EYA4: variants seen among roughly 807,000 people sequenced by gnomAD.
The protein encoded by EYA4 is protein phosphatase EYA4.
Under a neutral mutation model 87.9 loss-of-function variants are expected in EYA4, and 31 were observed. That is an observed-to-expected ratio of 0.35 (90% confidence interval 0.27 to 0.48). The LOEUF (loss-of-function observed/expected upper bound fraction) is 0.48. Among genes scored for constraint, EYA4 ranks in the 20% least tolerant of loss-of-function variants. The pLI is 0.99. For synonymous variants in EYA4, 263 were observed against 270.6 expected, an observed-to-expected ratio of 0.97 and a Z score of 0.28; for missense variants, 678 against 761.4, an observed-to-expected ratio of 0.89 and a Z score of 1.29.
chr6:133,489,665 C>A (rs1374389229), intron 13 of EYA4, among the ~76,000 whole-genome samples: 1 of 151,524 alleles, frequency 6.6e-6, no homozygotes, highest in African/African-American at 2.4e-5. Context: ...TATCCAGTGA[C>A]AATATCCTTC....
At chr6:133,344,622 G>A (rs1304921442) in intron 2 of EYA4, among the ~76,000 whole-genome samples, 2 of 151,896 alleles carry the variant, frequency 1.3e-5, no homozygotes, top group African/African-American at 2.4e-5. Context: ...AAATGAGCTG[G>A]CATTTGAAAT....
At chr6:133,274,890 G>A (rs977385813) in intron 2 of EYA4, 77 bp downstream of exon 2, 1 of 1,066,034 alleles carries the variant, frequency 9.4e-7, no homozygotes, top group East Asian at 2.4e-5. Flanking sequence ...GAGATATATT[G>A]TAAGAAGTAA....
chr6:133,279,071 G>T (rs527344303), intron 2 of EYA4, among the ~76,000 whole-genome samples: 24 of 152,062 alleles, frequency 1.6e-4, no homozygotes, highest in African/African-American at 4.6e-4. Context: ...CTATTTTGGT[G>T]GTCCGGGATA....
intron 2 of EYA4, among the ~76,000 whole-genome samples, chr6:133,345,535 C>T (rs1783127297): frequency 6.6e-6 from 1 of 152,120 alleles, no homozygotes; most frequent in Admixed American, 6.5e-5. Context: ...CAATCTCATT[C>T]ACCTTTTCTT....
chr6:133,356,617 A>T (rs1784053368), intron 2 of EYA4, among the ~76,000 whole-genome samples: 1 of 151,516 alleles, frequency 6.6e-6, no homozygotes, highest in Non-Finnish European at 1.5e-5. Context: ...GCGAGCCATT[A>T]TTATGAAGCA....
intron 6 of EYA4, among the ~76,000 whole-genome samples, chr6:133,460,638 A>T (rs1177206324): frequency 6.6e-6 from 1 of 152,100 alleles, no homozygotes; most frequent in African/African-American, 2.4e-5. Flanking sequence ...ATAAAATAGT[A>T]TTTTACCATT....
chr6:133,301,782 T>G (rs1481882955), intron 2 of EYA4, among the ~76,000 whole-genome samples: 1 of 152,222 alleles, frequency 6.6e-6, no homozygotes. Context: ...CTGATGGTTT[T>G]CATTGATGCT....
intron 10 of EYA4, 99 bp downstream of exon 10, chr6:133,464,957 G>T (rs553817141): frequency 1.5e-5 from 11 of 739,886 alleles, no homozygotes; most frequent in South Asian, 1.1e-4. Context: ...CCAGAATAAG[G>T]TTTCTTTATT....
intron 6 of EYA4, among the ~76,000 whole-genome samples, chr6:133,460,338 TAGTCAAGGCAGATAGTTAAAG>T (rs1224172337): frequency 6.7e-6 from 1 of 149,110 alleles, no homozygotes; most frequent in African/African-American, 2.6e-5. Context: ...ACATCTGTCT[TAGTCAAGGCAGATAGTTAAAG>T]GAAAGAGAAA....
chr6:133,450,499 A>G (rs1793327612), intron 5 of EYA4, among the ~76,000 whole-genome samples: 1 of 152,112 alleles, frequency 6.6e-6, no homozygotes, highest in African/African-American at 2.4e-5. Context: ...AGATGTTCAA[A>G]AAGATTCTTT....
At chr6:133,403,018 T>C (rs1043501005) in intron 3 of EYA4, among the ~76,000 whole-genome samples, 12 of 152,206 alleles carry the variant, frequency 7.9e-5, no homozygotes, top group African/African-American at 2.9e-4. Flanking sequence ...TAACAATGCC[T>C]GCTTTCTACA....
intron 2 of EYA4, among the ~76,000 whole-genome samples, chr6:133,301,144 G>A (rs1779372531): frequency 6.6e-6 from 1 of 151,948 alleles, no homozygotes; most frequent in African/African-American, 2.4e-5. Flanking sequence ...TCTGTATGAG[G>A]GTTTTTTGGA....
At chr6:133,365,181 C>T (rs1312849219) in intron 2 of EYA4, among the ~76,000 whole-genome samples, 1 of 152,132 alleles carries the variant, frequency 6.6e-6, no homozygotes, top group Admixed American at 6.5e-5. Flanking sequence ...ATATTGATCG[C>T]TTGGTTGGGT....
At chr6:133,258,244 T>C (rs535252292) in intron 1 of EYA4, among the ~76,000 whole-genome samples, 1 of 152,090 alleles carries the variant, frequency 6.6e-6, no homozygotes, top group South Asian at 2.1e-4. Context: ...TAGAGAGTAC[T>C]GTAAGGACTA....
At chr6:133,429,298 T>C (rs1326298258) in intron 3 of EYA4, among the ~76,000 whole-genome samples, 1 of 151,854 alleles carries the variant, frequency 6.6e-6, no homozygotes, top group Non-Finnish European at 1.5e-5. Context: ...AAGATTCTGT[T>C]AGGTAAAAGG....
chr6:133,285,437 C>T (rs1562247800), intron 2 of EYA4, among the ~76,000 whole-genome samples: 1 of 152,030 alleles, frequency 6.6e-6, no homozygotes, highest in Non-Finnish European at 1.5e-5. Flanking sequence ...AGGATGTCAG[C>T]GTTGGTGGTA....
chr6:133,338,281 A>G (rs955744370), intron 2 of EYA4, among the ~76,000 whole-genome samples: 1 of 152,186 alleles, frequency 6.6e-6, no homozygotes, highest in Non-Finnish European at 1.5e-5. Context: ...TAAATAGAAA[A>G]AAAGGTCACT....
intron 2 of EYA4, among the ~76,000 whole-genome samples, chr6:133,335,123 T>G (rs769982154): frequency 4.6e-5 from 7 of 152,176 alleles, no homozygotes; most frequent in African/African-American, 1.7e-4. Flanking sequence ...TTGCATTTCC[T>G]TTTTTCAAGA....
intron 3 of EYA4, among the ~76,000 whole-genome samples, chr6:133,400,228 G>A (rs1386336457): frequency 1.3e-5 from 2 of 152,150 alleles, no homozygotes; most frequent in Admixed American, 6.5e-5. Context: ...AATTATATGC[G>A]GTGGGGCGTG....
Sources: gnomAD v4.1 joint callset for allele counts (sites outside exome capture counted in the v4.1 genomes callset) on GRCh38, gnomAD v4.1.1 for gene constraint, MANE v1.5 for transcripts, NCBI Gene and HGNC (gene_info 2026-07-23, HGNC 2026-07-21) for gene names.